The following HIVEP3 variants were observed in gnomAD, a reference collection of about 807,000 sequenced individuals.
The protein encoded by HIVEP3 is HIVEP zinc finger 3, also known as transcription factor HIVEP3.
A neutral mutation model predicts 152.8 loss-of-function variants in HIVEP3; 49 were observed. That is an observed-to-expected ratio of 0.32 (90% CI 0.26 to 0.41). HIVEP3 has a LOEUF of 0.41. Among genes scored for constraint, HIVEP3 ranks in the 10% least tolerant of loss-of-function variants. The pLI is 1.00. For synonymous variants in HIVEP3, 1,269 were observed against 1,289.0 expected, an observed-to-expected ratio of 0.98 and a Z score of 0.33; for missense variants, 2,790 against 3,103.3, an observed-to-expected ratio of 0.90 and a Z score of 2.40.
intron 1 of HIVEP3, among the ~76,000 whole-genome samples, chr1:41,869,315 G>T (rs922719590): frequency 2.0e-5 from 3 of 152,178 alleles, no homozygotes; most frequent in Admixed American, 6.5e-5. Context: ...ACCTGCCCTG[G>T]ATATCAACTG....
intron 1 of HIVEP3, among the ~76,000 whole-genome samples, chr1:41,892,255 A>C (rs1269634030): frequency 2.6e-5 from 4 of 152,176 alleles, no homozygotes; most frequent in Non-Finnish European, 4.4e-5. Flanking sequence ...TCCTTTCCCC[A>C]TCCCATCTCC....
chr1:41,663,536 G>T lies in HIVEP3; in HGVS notation c.-720-34589C>A, dbSNP rs576024214. On this transcript the variant is annotated intron_variant, in intron 2 of 8. Transcript: ENST00000372583. ...TCAACTTCTCTAGGCCCAAAGGGCGGATTAGTGACCTTGGGCATTTGTGTG... is the reference window on the plus strand; with the variant it reads ...TCAACTTCTCTAGGCCCAAAGGGCGTATTAGTGACCTTGGGCATTTGTGTG... Among the ~76,000 whole-genome samples the T allele has an allele frequency of 5.3e-5, 8 of 152,336 alleles. No homozygotes were observed. The East Asian group carries it at 1.3e-3, about 26-fold the overall frequency.
At chr1:41,573,120 A>T (rs1258856438) in intron 5 of HIVEP3, among the ~76,000 whole-genome samples, 1 of 152,240 alleles carries the variant, frequency 6.6e-6, no homozygotes, top group Non-Finnish European at 1.5e-5. Context: ...TGTGTACAGG[A>T]GTGAAATACA....
intron 1 of HIVEP3, among the ~76,000 whole-genome samples, chr1:41,863,195 G>T (rs935720269): frequency 5.9e-5 from 9 of 152,226 alleles, no homozygotes; most frequent in African/African-American, 2.2e-4. Flanking sequence ...AAGTTAAGCT[G>T]CAGGGTCAGA....
chr1:41,659,789 C>T (rs974075113), intron 2 of HIVEP3, among the ~76,000 whole-genome samples: 2 of 152,210 alleles, frequency 1.3e-5, no homozygotes, highest in African/African-American at 2.4e-5. Context: ...GGAGGAAATG[C>T]GGCGTTGGGT....
chr1:41,583,000 C>T lies in HIVEP3; in HGVS notation c.1798G>A (p.Glu600Lys). Residue 600 changes from glutamate (E) to lysine (K), a missense_variant, in exon 4 of 9, where the codon GAA becomes AAA. By Grantham distance (56) the Glu-to-Lys change is moderately conservative (BLOSUM62 1). Around this residue, in one of 9 missense-constraint regions of HIVEP3, gnomAD observed 339 missense variants for 327.0 expected, o/e 1.04. Coordinates refer to ENST00000372583, the MANE Select transcript of HIVEP3 (RefSeq NM_024503.5). This position sits in a 1 kb window ranked among gnomAD's most constrained non-coding sequence, Gnocchi z 4.7. ...QPAIELPLGG[E>K]YSSEEPGPSS... ...GGGCCAGGCTCCTCAGAACTGTATT[C>T]CCCTCCCAAAGGTAATTCGATTGCC... 1 of 1,614,062 alleles carries T rather than the reference C, an allele frequency of 6.2e-7. No individual in the cohort carries two copies. Among genetic ancestry groups the T allele is most frequent in the Middle Eastern group, 1.6e-4 (1 of 6,062 alleles).
chr1:41,599,752 C>T (rs1644718983), intron 3 of HIVEP3, among the ~76,000 whole-genome samples: 2 of 152,110 alleles, frequency 1.3e-5, no homozygotes, highest in Admixed American at 1.3e-4. Context: ...AATTTAAAAT[C>T]TTCTATGCGT....
intron 3 of HIVEP3, among the ~76,000 whole-genome samples, chr1:41,609,069 A>C (rs944199040): frequency 1.3e-5 from 2 of 152,250 alleles, no homozygotes; most frequent in Non-Finnish European, 2.9e-5. Flanking sequence ...CAATAAAAAA[A>C]AAAAACGGTT....
At chr1:41,643,468 C>T (rs1645408748) in intron 2 of HIVEP3, among the ~76,000 whole-genome samples, 1 of 152,232 alleles carries the variant, frequency 6.6e-6, no homozygotes. Flanking sequence ...CAGACGAGTG[C>T]ATGAATAACA....
chr1:41,751,324 A>ATT (rs35864189), intron 1 of HIVEP3, among the ~76,000 whole-genome samples: 5,454 of 104,468 alleles, frequency 0.052, 612 homozygotes, highest in East Asian at 0.22. Flanking sequence ...ACTGACACAC[A>ATT]TTTTTTTTTT....
intron 5 of HIVEP3, among the ~76,000 whole-genome samples, chr1:41,526,025 C>G (rs1232753045): frequency 6.6e-6 from 1 of 152,098 alleles, no homozygotes; most frequent in African/African-American, 2.4e-5. Flanking sequence ...GCCGCACCAC[C>G]TGCCCCTGCC....
chr1:41,592,830 G>A (rs1345273313), intron 3 of HIVEP3, among the ~76,000 whole-genome samples: 18 of 152,224 alleles, frequency 1.2e-4, no homozygotes, highest in Non-Finnish European at 1.5e-5. Flanking sequence ...AGCAATCAGG[G>A]GGTTCTGTGC....
At chr1:41,925,596 G>A (rs1175805060) in intron 1 of HIVEP3, among the ~76,000 whole-genome samples, 1 of 152,084 alleles carries the variant, frequency 6.6e-6, no homozygotes, top group Non-Finnish European at 1.5e-5. Flanking sequence ...TGCATATAGT[G>A]GACCCGTACA....
intron 1 of HIVEP3, among the ~76,000 whole-genome samples, chr1:41,839,987 C>T (rs1245224642): frequency 6.6e-6 from 1 of 152,214 alleles, no homozygotes; most frequent in Non-Finnish European, 1.5e-5. Flanking sequence ...CTTAGCCACA[C>T]TGGGCATATT....
chr1:41,753,880 G>A (rs1330533720), intron 1 of HIVEP3, among the ~76,000 whole-genome samples: 1 of 152,118 alleles, frequency 6.6e-6, no homozygotes, highest in African/African-American at 2.4e-5. Context: ...TCTGGGAGGG[G>A]AGACAACCAG....
chr1:41,730,867 G>A (rs1187281164), intron 1 of HIVEP3, among the ~76,000 whole-genome samples: 1 of 152,176 alleles, frequency 6.6e-6, no homozygotes, highest in Non-Finnish European at 1.5e-5. Context: ...TCCTATTCAG[G>A]GGATCTAATG....
At chr1:41,620,514 G>A (rs540144982) in intron 3 of HIVEP3, among the ~76,000 whole-genome samples, 1 of 152,058 alleles carries the variant, frequency 6.6e-6, no homozygotes, top group Non-Finnish European at 1.5e-5. Context: ...CTAGATGCCT[G>A]TACTCAGTCC....
At chr1:41,981,657 AG>A (rs1219193822) in intron 1 of HIVEP3, among the ~76,000 whole-genome samples, 1 of 152,160 alleles carries the variant, frequency 6.6e-6, no homozygotes, top group Non-Finnish European at 1.5e-5. Context: ...TGAGAGAATG[AG>A]GGTTGATAAG....
chr1:41,787,523 TTTTC>T (rs992777095), intron 1 of HIVEP3, among the ~76,000 whole-genome samples: 73 of 145,592 alleles, frequency 5.0e-4, no homozygotes, highest in East Asian at 2.4e-3. Context: ...TCTCTTTTCC[TTTTC>T]TTTCTTTCTT....
Sources: allele counts gnomAD v4.1 joint callset (sites outside exome capture counted in the v4.1 genomes callset), GRCh38; gene constraint gnomAD v4.1.1; regional missense constraint gnomAD v4.1.1; non-coding constraint Gnocchi (gnomAD v3.1); transcripts MANE v1.5; gene names NCBI Gene and HGNC (gene_info 2026-07-23, HGNC 2026-07-21).